PTK2B: variants seen among roughly 807,000 people sequenced by gnomAD.
The protein encoded by PTK2B is protein-tyrosine kinase 2-beta.
PTK2B carries 71 observed loss-of-function variants against 142.9 expected under a neutral mutation model. The observed-to-expected ratio is 0.50, with a 90% CI of 0.41 to 0.61. The LOEUF (loss-of-function observed/expected upper bound fraction) is 0.61. Among genes scored for constraint, PTK2B ranks in the 20% least tolerant of loss-of-function variants. The pLI is 0.00. For missense variants in PTK2B, 1,105 were observed against 1,320.4 expected (o/e 0.84, Z 2.53); for synonymous variants, 519 against 503.4 (o/e 1.03, Z -0.42).
chr8:27,444,639 GC>G (rs1811352453), intron 23 of PTK2B, among the ~76,000 whole-genome samples: 1 of 152,040 alleles, frequency 6.6e-6, no homozygotes, highest in African/African-American at 2.4e-5. Context: ...CCCCAAAGAG[GC>G]CCCATCCAGA....
At chr8:27,450,659 C>A in intron 24 of PTK2B, 90 bp from the exon 25 acceptor site, 1 of 1,508,620 alleles carries the variant, frequency 6.6e-7, no homozygotes, top group South Asian at 1.2e-5. Context: ...AGGCTTGCAG[C>A]TGCCATGAGG....
intron 1 of PTK2B, 141 bp downstream of exon 1, chr8:27,325,822 A>T (rs1803374510): frequency 6.6e-6 from 1 of 152,334 alleles, no homozygotes; most frequent in Non-Finnish European, 1.5e-5. Context: ...AGACCCAGGA[A>T]ATCGGAGCCG....
chr8:27,422,588 T>C (rs1227276349), intron 5 of PTK2B, among the ~76,000 whole-genome samples: 3 of 152,178 alleles, frequency 2.0e-5, no homozygotes, highest in Non-Finnish European at 4.4e-5. Context: ...GCCCCCTCCC[T>C]AGTCTCACTC....
intron 24 of PTK2B, among the ~76,000 whole-genome samples, chr8:27,450,030 A>G (rs774037850): frequency 3.8e-4 from 58 of 152,194 alleles, no homozygotes; most frequent in Non-Finnish European, 7.5e-4. Context: ...ATAGAGCTGT[A>G]TTTCATGAAA....
At chr8:27,364,416 G>C (rs1485859022) in intron 1 of PTK2B, among the ~76,000 whole-genome samples, 14 of 152,220 alleles carry the variant, frequency 9.2e-5, no homozygotes, top group Non-Finnish European at 2.9e-5. Flanking sequence ...GCCCCAAAGG[G>C]TAAACATAGC....
chr8:27,373,518 C>T (rs1304269940), intron 1 of PTK2B, among the ~76,000 whole-genome samples: 8 of 151,978 alleles, frequency 5.3e-5, no homozygotes, highest in African/African-American at 9.7e-5. Context: ...AAGTTTATCC[C>T]GACATTTAAA....
At chr8:27,442,452 G>A (rs1247493652) in intron 21 of PTK2B, among the ~76,000 whole-genome samples, 1 of 152,166 alleles carries the variant, frequency 6.6e-6, no homozygotes, top group Non-Finnish European at 1.5e-5. Flanking sequence ...ATGCGTTGGG[G>A]GATGTTTCAT....
At chr8:27,357,745 C>T (rs943891563) in intron 1 of PTK2B, among the ~76,000 whole-genome samples, 3 of 152,174 alleles carry the variant, frequency 2.0e-5, no homozygotes, top group Non-Finnish European at 2.9e-5. Flanking sequence ...GGTGCTCTGG[C>T]ATAATAGAAA....
chr8:27,437,965 G>A, intron 18 of PTK2B, 85 bp downstream of exon 18: 2 of 1,199,548 alleles, frequency 1.7e-6, no homozygotes, highest in Non-Finnish European at 1.2e-6. Flanking sequence ...AGGGCTTGTG[G>A]GTGACACAGA....
chr8:27,433,844 G>T (rs1397449562), intron 11 of PTK2B, among the ~76,000 whole-genome samples: 1 of 152,198 alleles, frequency 6.6e-6, no homozygotes, highest in Non-Finnish European at 1.5e-5. Flanking sequence ...CCGCCTGTGT[G>T]TGTCTCCATC....
intron 1 of PTK2B, among the ~76,000 whole-genome samples, chr8:27,368,369 C>T (rs1243962918): frequency 2.0e-5 from 3 of 152,146 alleles, no homozygotes; most frequent in African/African-American, 7.2e-5. Context: ...CAAGAACTAC[C>T]CCCTCACCCC....
chr8:27,386,199 C>T (rs17375086), intron 1 of PTK2B, among the ~76,000 whole-genome samples: 62,540 of 151,860 alleles, frequency 0.41, 13,260 homozygotes, highest in South Asian at 0.51. Context: ...GCTAGTGCTC[C>T]GACTTCCCCC....
chr8:27,397,328 A>G, intron 1 of PTK2B: 1 of 515,772 alleles, frequency 1.9e-6, no homozygotes, highest in Non-Finnish European at 3.5e-6. Context: ...TGGGAGCCCC[A>G]AGTCTGGGTT....
intron 1 of PTK2B, among the ~76,000 whole-genome samples, chr8:27,354,461 C>T (rs911493679): frequency 2.0e-4 from 30 of 152,060 alleles, no homozygotes; most frequent in African/African-American, 7.2e-4. Context: ...GTGAAATTCT[C>T]CCAAGCAGGG....
chr8:27,343,424 A>G (rs1218033237), intron 1 of PTK2B, among the ~76,000 whole-genome samples: 2 of 152,136 alleles, frequency 1.3e-5, no homozygotes, highest in Admixed American at 1.3e-4. Flanking sequence ...AAATGAAGCC[A>G]CTGGTGTTTT....
rs1563290609 is a variant in PTK2B, at chr8:27,439,081, TG to T, written c.1699del (p.Asp567ThrfsTer18). 1 of 1,614,038 alleles carries T rather than the reference TG, an allele frequency of 6.2e-7. No individual in the cohort carries two copies. The highest frequency in any genetic ancestry group is 1.1e-5 in the South Asian group (1 of 91,082). Reference protein sequence around the residue: ...ILVASPECVKLGDFGLSRYIE... With the variant: ...ILVASPECVKXGDFGLSRYIE... ...GTGGCCTCCCCTGAGTGTGTGAAGC[TG>T]GGGGACTTTGGTCTTTCCCGGTACA... On this transcript the variant is annotated frameshift_variant, in exon 19 of 31. Coordinates refer to ENST00000346049, the MANE Select transcript of PTK2B (RefSeq NM_173176.3). LOFTEE classifies it high-confidence loss of function.
In PTK2B at chr8:27,439,022, T is replaced by G; in HGVS notation, c.1644-9T>G. 6.2e-7 allele frequency: 1 copy of G among 1,611,552 alleles called. No homozygotes were observed. The highest frequency in any genetic ancestry group is 1.1e-5 in the South Asian group (1 of 91,026). On this transcript the variant is annotated splice_polypyrimidine_tract_variant and intron_variant, in intron 18 of 30. Transcript: ENST00000346049. ...GTGCCTCATCCTGGTCTTGATGCCC[T>G]TCTTCCAGGGACATTGCTGTCCGGA...
At chr8:27,311,914 T>G (rs962140891) in intron 1 of PTK2B, among the ~76,000 whole-genome samples, 15 of 152,148 alleles carry the variant, frequency 9.9e-5, no homozygotes, top group African/African-American at 3.1e-4. Context: ...TGTTTCAAAG[T>G]CCATTTACTC....
intron 3 of PTK2B, among the ~76,000 whole-genome samples, chr8:27,319,414 G>A (rs1236412407): frequency 2.0e-5 from 3 of 151,520 alleles, no homozygotes; most frequent in South Asian, 4.2e-4. Flanking sequence ...AGGCCAAGGC[G>A]GGAGGATCAC....
Sources: gnomAD v4.1 joint callset for allele counts (sites outside exome capture counted in the v4.1 genomes callset) on GRCh38, gnomAD v4.1.1 for gene constraint, MANE v1.5 for transcripts, NCBI Gene and HGNC (gene_info 2026-07-23, HGNC 2026-07-21) for gene names.